RGL1: variants seen among roughly 807,000 people sequenced by gnomAD.
RGL1 encodes ral guanine nucleotide dissociation stimulator like 1.
RGL1 carries 24 observed loss-of-function variants against 95.2 expected under a neutral mutation model. The ratio of observed to expected loss-of-function variants is 0.25; its 90% CI spans 0.18 to 0.35. The LOEUF (loss-of-function observed/expected upper bound fraction) is 0.35, where lower values mean the gene tolerates loss of function less well. RGL1 is among the 10% of genes least tolerant of loss of function. The pLI is 1.00. For missense variants in RGL1, 715 were observed against 936.3 expected, an observed-to-expected ratio of 0.76 and a Z score of 3.08; for synonymous variants, 329 against 344.9, an observed-to-expected ratio of 0.95 and a Z score of 0.51.
intron 11 of RGL1, among the ~76,000 whole-genome samples, chr1:183,901,672 T>A (rs1668035207): frequency 6.6e-6 from 1 of 151,904 alleles, no homozygotes; most frequent in African/African-American, 2.4e-5. Context: ...TCTCTCTCTG[T>A]CCCCTTGTCC....
At chr1:183,739,314 T>G (rs1657140387) in intron 1 of RGL1, among the ~76,000 whole-genome samples, 1 of 152,198 alleles carries the variant, frequency 6.6e-6, no homozygotes, top group Admixed American at 6.5e-5. Flanking sequence ...GGCTCTAGTC[T>G]ATGGAGGAAG....
chr1:183,906,674 A>G (rs767691695), intron 13 of RGL1, among the ~76,000 whole-genome samples: 2 of 152,214 alleles, frequency 1.3e-5, no homozygotes, highest in African/African-American at 4.8e-5. Context: ...AGGAAGGAAG[A>G]TTCTTCCACT....
At chr1:183,715,333 C>A (rs1655546388) in intron 1 of RGL1, among the ~76,000 whole-genome samples, 1 of 152,082 alleles carries the variant, frequency 6.6e-6, no homozygotes, top group Non-Finnish European at 1.5e-5. Context: ...TGTTGGTGAA[C>A]TGATTGTTAC....
chr1:183,824,659 T>A (rs1260726816), intron 2 of RGL1, among the ~76,000 whole-genome samples: 1 of 152,234 alleles, frequency 6.6e-6, no homozygotes, highest in Non-Finnish European at 1.5e-5. Flanking sequence ...GTTACTGTGT[T>A]TTATAAATAT....
At chr1:183,872,945 G>C (rs1666268561) in intron 4 of RGL1, among the ~76,000 whole-genome samples, 1 of 152,146 alleles carries the variant, frequency 6.6e-6, no homozygotes, top group Non-Finnish European at 1.5e-5. Flanking sequence ...TGAAACAAAA[G>C]AAATGAAGAA....
chr1:183,790,328 G>A (rs1660386115), intron 2 of RGL1, among the ~76,000 whole-genome samples: 1 of 152,042 alleles, frequency 6.6e-6, no homozygotes, highest in South Asian at 2.1e-4. Context: ...CTTTTGTCCT[G>A]GAATCCTTGG....
At chr1:183,674,056 C>G (rs1652653753) in intron 1 of RGL1, among the ~76,000 whole-genome samples, 1 of 152,118 alleles carries the variant, frequency 6.6e-6, no homozygotes, top group Non-Finnish European at 1.5e-5. Context: ...TTGCTAAACT[C>G]AGGTCTGGTT....
At chr1:183,838,288 C>A (rs1286693586) in intron 2 of RGL1, among the ~76,000 whole-genome samples, 8 of 152,168 alleles carry the variant, frequency 5.3e-5, no homozygotes, top group Non-Finnish European at 2.9e-5. Context: ...TCCAGGAGTA[C>A]TACTCTTTTT....
intron 2 of RGL1, among the ~76,000 whole-genome samples, chr1:183,826,172 G>A (rs1314296965): frequency 5.3e-5 from 8 of 151,760 alleles, no homozygotes; most frequent in Admixed American, 5.3e-4. Flanking sequence ...TCCTGCCTCA[G>A]CCTCCTGAGT....
chr1:183,888,062 C>T (rs1049346952), intron 7 of RGL1, among the ~76,000 whole-genome samples: 4 of 152,184 alleles, frequency 2.6e-5, no homozygotes, highest in African/African-American at 9.7e-5. Context: ...ACCATCTGAC[C>T]TCAAAGTGGC....
At chr1:183,918,645 A>C (rs534821248) in intron 16 of RGL1, among the ~76,000 whole-genome samples, 1 of 152,160 alleles carries the variant, frequency 6.6e-6, no homozygotes, top group African/African-American at 2.4e-5. Flanking sequence ...GAGTGTTGGG[A>C]GGGTAGTGAG....
rs1443370644 is a variant in RGL1, at chr1:183,926,348, G to C, written c.*56G>C. ...AAGGCAGAGTGGGGCTGAGAAACAG[G>C]CTGCGGTGATTGCAATTACCATCCG... is the stretch of plus-strand genomic sequence containing the variant. On this transcript the variant is annotated 3_prime_UTR_variant, in exon 18 of 18. Transcript: ENST00000360851. The C allele has an allele frequency of 2.0e-6, 3 of 1,472,628 alleles. No homozygotes were observed. Among genetic ancestry groups the C allele is most frequent in the Non-Finnish European group, 2.8e-6 (3 of 1,087,114 alleles). The allele number at this position is 1,472,628 out of a possible 1,614,324, so 91.2% of individuals were successfully genotyped here.
intron 1 of RGL1, among the ~76,000 whole-genome samples, chr1:183,668,846 C>A (rs1652225343): frequency 6.6e-6 from 1 of 151,930 alleles, no homozygotes; most frequent in Non-Finnish European, 1.5e-5. Context: ...TATGTTTACA[C>A]CCTTTGTAGT....
At chr1:183,763,516 C>T (rs1658813189) in intron 2 of RGL1, among the ~76,000 whole-genome samples, 1 of 152,216 alleles carries the variant, frequency 6.6e-6, no homozygotes, top group Non-Finnish European at 1.5e-5. Context: ...GGCAGGGCCT[C>T]TGTCATAATC....
chr1:183,884,579 G>A, intron 6 of RGL1, 144 bp from the exon 7 acceptor site: 1 of 664,850 alleles, frequency 1.5e-6, no homozygotes. Context: ...TTTGTCTGTT[G>A]AAATGGACAC....
chr1:183,710,677 A>C (rs1349705187), intron 1 of RGL1, among the ~76,000 whole-genome samples: 1 of 152,202 alleles, frequency 6.6e-6, no homozygotes, highest in Non-Finnish European at 1.5e-5. Flanking sequence ...TGGTGGCAGG[A>C]GAGGGAGAGA....
intron 2 of RGL1, among the ~76,000 whole-genome samples, chr1:183,780,555 G>A (rs930155791): frequency 2.6e-5 from 4 of 152,198 alleles, no homozygotes; most frequent in Non-Finnish European, 5.9e-5. Flanking sequence ...AGAAGAGGGG[G>A]AGATTCAGTG....
At chr1:183,816,394 T>A (rs1346809545) in intron 2 of RGL1, among the ~76,000 whole-genome samples, 1 of 152,168 alleles carries the variant, frequency 6.6e-6, no homozygotes, top group Non-Finnish European at 1.5e-5. Flanking sequence ...CAGTTTCAAG[T>A]CCTGGACTAA....
In RGL1 at chr1:183,667,296, T is replaced by C. The variant is rs554880021; in HGVS notation, c.-33+30795T>C. Among the ~76,000 whole-genome samples, 16 of 152,328 alleles carry C rather than the reference T, an allele frequency of 1.1e-4. No individual in the cohort carries two copies. The South Asian group carries it at 3.3e-3, about 32-fold the overall frequency. On this transcript the variant is annotated intron_variant, in intron 1 of 18. Transcript: ENST00000304685. ...TCATTCTGGCAATCTGTCTTTTCAT[T>C]GATGTATTTAGATCATTGATTTATT... is the stretch of plus-strand genomic sequence containing the variant.
Sources: gnomAD v4.1 joint callset for allele counts (sites outside exome capture counted in the v4.1 genomes callset) on GRCh38, gnomAD v4.1.1 for gene constraint, MANE v1.5 for transcripts, NCBI Gene and HGNC (gene_info 2026-07-23, HGNC 2026-07-21) for gene names.